KCNJ16: variants seen among roughly 807,000 people sequenced by gnomAD.
KCNJ16 encodes the protein potassium inwardly rectifying channel subfamily J member 16.
In KCNJ16, 15 loss-of-function variants were observed where a neutral mutation model predicts 18.5. That is an observed-to-expected ratio of 0.81 (90% confidence interval 0.54 to 1.25). The LOEUF is 1.25. Among genes scored for constraint, KCNJ16 ranks in the 50% most tolerant of loss-of-function variants. The pLI, the probability that KCNJ16 is intolerant of heterozygous loss-of-function variation, is 0.00. For missense variants in KCNJ16, 523 were observed against 525.7 expected (o/e 0.99, Z 0.05); for synonymous variants, 174 against 186.5 (o/e 0.93, Z 0.55).
intron 2 of KCNJ16, among the ~76,000 whole-genome samples, chr17:70,124,925 T>C (rs1277289265): frequency 3.0e-5 from 4 of 133,272 alleles, no homozygotes; most frequent in African/African-American, 1.1e-4. Context: ...GATATGGGTG[T>C]TGACAACAAG....
At chr17:70,112,003 A>G (rs1325565654) in intron 2 of KCNJ16, among the ~76,000 whole-genome samples, 1 of 152,222 alleles carries the variant, frequency 6.6e-6, no homozygotes, top group Non-Finnish European at 1.5e-5. Flanking sequence ...TCATACAAAG[A>G]ACATTCTTTG....
At chr17:70,115,359 A>G (rs2073361418) in intron 2 of KCNJ16, among the ~76,000 whole-genome samples, 1 of 152,094 alleles carries the variant, frequency 6.6e-6, no homozygotes, top group African/African-American at 2.4e-5. Context: ...AGCTGGGGAC[A>G]GCTATTTAGG....
chr17:70,090,475 C>G (rs188431005), intron 1 of KCNJ16, among the ~76,000 whole-genome samples: 3 of 152,300 alleles, frequency 2.0e-5, no homozygotes, highest in Admixed American at 2.0e-4. Flanking sequence ...CTCATTCTGG[C>G]ACAGAGTCCT....
At chr17:70,125,265 G>A in intron 2 of KCNJ16, among the ~76,000 whole-genome samples, 1 of 145,830 alleles carries the variant, frequency 6.9e-6, no homozygotes, top group Non-Finnish European at 1.5e-5. Context: ...GCAAGATCCT[G>A]TTTCAAAGAA....
At chr17:70,076,563 T>C (rs1354085045) in intron 1 of KCNJ16, among the ~76,000 whole-genome samples, 1 of 152,348 alleles carries the variant, frequency 6.6e-6, no homozygotes, top group African/African-American at 2.4e-5. Context: ...TAGTCTCATA[T>C]ACAACAAGAC....
At chr17:70,125,739 G>T (rs137925194) in intron 2 of KCNJ16, among the ~76,000 whole-genome samples, 9,288 of 152,218 alleles carry the variant, frequency 0.061, 347 homozygotes, top group South Asian at 0.12. Flanking sequence ...GACCATCCTG[G>T]CCAACATGGT....
At chr17:70,115,037 T>C (rs549424733) in intron 2 of KCNJ16, among the ~76,000 whole-genome samples, 8 of 152,280 alleles carry the variant, frequency 5.3e-5, no homozygotes, top group Admixed American at 4.6e-4. Context: ...GTCGATTAGT[T>C]GGTGCAAACG....
intron 1 of KCNJ16, among the ~76,000 whole-genome samples, chr17:70,091,172 G>C (rs567549472): frequency 6.6e-6 from 1 of 152,046 alleles, no homozygotes; most frequent in Admixed American, 6.5e-5. Context: ...CCAATCATGA[G>C]TAGGTCCTCC....
chr17:70,104,571 T>A (rs2072823417), intron 2 of KCNJ16, among the ~76,000 whole-genome samples: 1 of 152,150 alleles, frequency 6.6e-6, no homozygotes, highest in African/African-American at 2.4e-5. Flanking sequence ...AAGCACACAC[T>A]TGGAAGAGGT....
intron 2 of KCNJ16, among the ~76,000 whole-genome samples, chr17:70,118,381 A>G (rs942658991): frequency 2.0e-5 from 3 of 152,152 alleles, no homozygotes; most frequent in African/African-American, 7.2e-5. Context: ...CATGTTCTGC[A>G]CATGTATCCA....
In KCNJ16 at chr17:70,095,870, C is replaced by CTCTT. The variant is rs1567784556; in HGVS notation, c.-299-4787_-299-4786insCTTT. On this transcript the variant is annotated intron_variant, in intron 1 of 3. Coordinates refer to ENST00000392671, the MANE Select transcript of KCNJ16 (RefSeq NM_170741.4). Reference sequence around the variant, plus strand: ...ATTTGGCATTTTATATTACTTAATCCTTTTTTTTTTTTTTTTTTTTTTTTT... The same window carrying CTCTT: ...ATTTGGCATTTTATATTACTTAATCCTCTTTTTTTTTTTTTTTTTTTTTTTTTTT... Among the ~76,000 whole-genome samples the CTCTT allele has an allele frequency of 1.7e-4, 16 of 95,400 alleles. 5 individuals are homozygous for CTCTT. The highest frequency in any genetic ancestry group is 5.8e-4 in the African/African-American group (14 of 24,246). The allele number at this position is 95,400 out of a possible 152,430, so 62.6% of individuals were successfully genotyped here. A position where few individuals can be genotyped will look rare whatever the true frequency, so the allele number is the denominator to read the frequency against.
In KCNJ16 at chr17:70,110,028, T is replaced by G. The variant is rs535669084; in HGVS notation, c.-191+9262T>G. ...TGCTTCTACTTAAACAGTTCTCCAT[T>G]GTGATGACAATACATACTTTAATCC... On this transcript the variant is annotated intron_variant, in intron 2 of 3. Transcript: ENST00000392671. Among the ~76,000 whole-genome samples, 295 of 152,298 alleles carry G rather than the reference T, an allele frequency of 1.9e-3. 1 individual carries two copies. The highest frequency in any genetic ancestry group is 3.7e-3 in the Non-Finnish European group (251 of 68,018).
intron 2 of KCNJ16, among the ~76,000 whole-genome samples, chr17:70,113,342 C>T (rs976017010): frequency 6.6e-6 from 1 of 152,158 alleles, no homozygotes; most frequent in Non-Finnish European, 1.5e-5. Context: ...TCTCAAAGAG[C>T]TGTACTGACA....
chr17:70,123,416 C>T (rs1206461764), intron 2 of KCNJ16, among the ~76,000 whole-genome samples: 1 of 152,060 alleles, frequency 6.6e-6, no homozygotes, highest in Non-Finnish European at 1.5e-5. Flanking sequence ...GCTTCCTCTT[C>T]TTATTGAGTT....
intron 2 of KCNJ16, among the ~76,000 whole-genome samples, chr17:70,126,240 A>T (rs550345858): frequency 6.6e-6 from 1 of 152,316 alleles, no homozygotes; most frequent in Admixed American, 6.5e-5. Flanking sequence ...GGACATCAGG[A>T]CATTTCCTGG....
At chr17:70,090,821 A>G (rs1182416190) in intron 1 of KCNJ16, among the ~76,000 whole-genome samples, 1 of 152,208 alleles carries the variant, frequency 6.6e-6, no homozygotes, top group East Asian at 1.9e-4. Flanking sequence ...TCACCTGAAA[A>G]AGTGTCAACC....
chr17:70,107,136 T>C (rs574708483), intron 2 of KCNJ16, among the ~76,000 whole-genome samples: 2 of 152,310 alleles, frequency 1.3e-5, no homozygotes, highest in South Asian at 2.1e-4. Context: ...CTTATAATTG[T>C]CCTTTTAAAA....
At chr17:70,105,013 G>A (rs16975137) in intron 2 of KCNJ16, 5,333 of 152,672 alleles carry the variant, frequency 0.035, 84 homozygotes, top group Middle Eastern at 0.061. Flanking sequence ...GCTCAGCTAC[G>A]GTGCTCTTAC....
At chr17:70,098,111 G>A (rs1035819188) in intron 1 of KCNJ16, among the ~76,000 whole-genome samples, 5 of 152,142 alleles carry the variant, frequency 3.3e-5, no homozygotes, top group Non-Finnish European at 7.4e-5. Context: ...CCCCATTTTA[G>A]ATCCCAGGAT....
Sources: allele counts gnomAD v4.1 joint callset (sites outside exome capture counted in the v4.1 genomes callset), GRCh38; gene constraint gnomAD v4.1.1; transcripts MANE v1.5; gene names NCBI Gene and HGNC (gene_info 2026-07-23, HGNC 2026-07-21).